GRM6: variants seen among roughly 807,000 people sequenced by gnomAD.
GRM6 encodes the protein glutamate metabotropic receptor 6.
In GRM6, 73 loss-of-function variants were observed where a neutral mutation model predicts 78.4. The observed-to-expected ratio is 0.93, with a 90% CI of 0.77 to 1.13. The LOEUF (loss-of-function observed/expected upper bound fraction) is 1.13, where lower values mean the gene tolerates loss of function less well. Among genes scored for constraint, GRM6 ranks in the 50% most tolerant of loss-of-function variants. The pLI is 0.00. For missense variants in GRM6, 1,251 were observed against 1,256.4 expected, an observed-to-expected ratio of 1.00 and a Z score of 0.07; for synonymous variants, 580 against 555.0, an observed-to-expected ratio of 1.05 and a Z score of -0.63.
Position 178,980,770 on chromosome 5 carries a change from A to T in GRM6, c.*887T>A, listed in dbSNP as rs989494735. On this transcript the variant is annotated 3_prime_UTR_variant, in exon 11 of 11. Transcript: ENST00000517717. The surrounding 1 kb of genome is among the most constrained non-coding windows in gnomAD (Gnocchi z 4.3). ...TGCCTCAGCCTCCCAAGTAACTGGG[A>T]TTACAGGCACCCACCATCACACCTG... 1.3e-5 allele frequency: 2 copies of T among 152,430 alleles called. No individual in the cohort carries two copies. Among genetic ancestry groups the T allele is most frequent in the African/African-American group, 4.8e-5 (2 of 41,444 alleles). 9.4% of individuals were successfully genotyped at this position (152,430 alleles called of 1,614,324 possible).
At chr5:178,983,356 G>A (rs911863561) in intron 9 of GRM6, 135 bp from the exon 10 acceptor site, 8 of 806,680 alleles carry the variant, frequency 9.9e-6, no homozygotes, top group Non-Finnish European at 1.7e-5. Context: ...TCTTCGTGGT[G>A]GCTCTCAGGA....
Position 178,991,075 on chromosome 5 carries a change from G to T in GRM6, c.858-329C>A, listed in dbSNP as rs540600182. Among the ~76,000 whole-genome samples, 4 of 152,238 alleles carry T rather than the reference G, an allele frequency of 2.6e-5. No individual in the cohort carries two copies. Among genetic ancestry groups the T allele is most frequent in the African/African-American group, 9.6e-5 (4 of 41,546 alleles). The stretch of plus-strand genomic sequence containing the variant: ...CCTAGGCTGGAGATGAACTCGGGCC[G>T]GTGGGTCTCGGGCTGGGGTCCGCAG... On this transcript the variant is annotated intron_variant, in intron 4 of 10. Transcript: ENST00000517717. The surrounding 1 kb of genome is among the most constrained non-coding windows in gnomAD (Gnocchi z 5.0).
intron 10 of GRM6, chr5:178,982,691 A>AC: frequency 2.9e-6 from 1 of 340,702 alleles, no homozygotes; most frequent in Middle Eastern, 6.9e-4. Context: ...AATGAAAATG[A>AC]TAAAAAAAAA....
intron 2 of GRM6, among the ~76,000 whole-genome samples, chr5:178,994,227 CGGGGCG>C (rs972884774): frequency 2.0e-5 from 3 of 152,218 alleles, no homozygotes; most frequent in African/African-American, 7.2e-5. Context: ...GGCGCCCTCG[CGGGGCG>C]GGGTAGACAT....
intron 4 of GRM6, 140 bp from the exon 5 acceptor site, chr5:178,990,886 G>A (rs1760657693): frequency 4.2e-6 from 3 of 709,040 alleles, no homozygotes; most frequent in Admixed American, 2.8e-5. Context: ...GGGGCCGGGG[G>A]CATTTAGGGC....
rs1347078043 is a variant in GRM6, at chr5:178,980,490, T to A, written c.*1167A>T. Reference sequence around the variant, plus strand: ...TTCACCCTCACCACGGCCATGACTCTCTGTCACTGCTCCCAACCTGGAGCT... The same window carrying A: ...TTCACCCTCACCACGGCCATGACTCACTGTCACTGCTCCCAACCTGGAGCT... On this transcript the variant is annotated 3_prime_UTR_variant, in exon 11 of 11. Transcript: ENST00000517717. The surrounding 1 kb of genome is among the most constrained non-coding windows in gnomAD (Gnocchi z 4.3). 3 of 154,452 alleles carry A rather than the reference T, an allele frequency of 1.9e-5. No homozygotes were observed. In the Admixed American group the frequency reaches 2.0e-4, roughly 10 times the overall value. 9.6% of individuals were successfully genotyped at this position (154,452 alleles called of 1,614,324 possible). A position where few individuals can be genotyped will look rare whatever the true frequency, so the allele number is the denominator to read the frequency against.
intron 9 of GRM6, chr5:178,985,422 C>T: frequency 2.8e-6 from 1 of 353,640 alleles, no homozygotes; most frequent in East Asian, 8.1e-5. Context: ...AAAAAAAACT[C>T]ACTGGGCGCA....
At position 178,981,955 on chromosome 5, in the gene GRM6, T is replaced by C. The variant is rs945619424; in HGVS notation, c.2437-101A>G. On this transcript the variant is annotated intron_variant, in intron 10 of 10. Coordinates refer to ENST00000517717, the MANE Select transcript of GRM6 (RefSeq NM_000843.4). This position sits in a 1 kb window ranked among gnomAD's most constrained non-coding sequence, Gnocchi z 5.1. ...TACTCTGGAGCTGAGTCTGTTTCAG[T>C]TGGGGAACTGGGAATGAGCACTTAG... The C allele has an allele frequency of 3.1e-5, 27 of 862,408 alleles. No individual in the cohort carries two copies. Among genetic ancestry groups the C allele is most frequent in the Admixed American group, 5.1e-5 (3 of 58,880 alleles). 53.4% of individuals were successfully genotyped at this position (862,408 alleles called of 1,614,324 possible).
In GRM6 at chr5:178,995,012, C is replaced by G. The variant is rs868030567; in HGVS notation, c.-16-52G>C. On this transcript the variant is annotated intron_variant, in intron 1 of 10. Coordinates refer to ENST00000517717, the MANE Select transcript of GRM6 (RefSeq NM_000843.4). ...CGCTCTGAGGGCGGGGGAAGGAGAG[C>G]GCGGGCTCGGGGCGCGGGGAGGGAC... 2,283 of 1,015,952 alleles carry G rather than the reference C, an allele frequency of 2.2e-3. 25 individuals carry two copies. In the South Asian group the frequency reaches 0.031, roughly 14 times the overall value. The allele number at this position is 1,015,952 out of a possible 1,614,324, so 62.9% of individuals were successfully genotyped here. A position where few individuals can be genotyped will look rare whatever the true frequency, so the allele number is the denominator to read the frequency against.
In GRM6 at chr5:178,989,537, A is replaced by G. The variant is rs2645336; in HGVS notation, c.1013-132T>C. ...CTAGGAGTGGCCAGGTGAACTAGGC[A>G]TGGCCAGGTGAGCTAGGAGTGGCCA... On this transcript the variant is annotated intron_variant, in intron 5 of 10. Coordinates refer to ENST00000517717, the MANE Select transcript of GRM6 (RefSeq NM_000843.4). 61 of 1,124,172 alleles carry G rather than the reference A, an allele frequency of 5.4e-5. No homozygotes were observed. The South Asian group carries it at 7.2e-4, about 13-fold the overall frequency. The allele number at this position is 1,124,172 out of a possible 1,614,324, so 69.6% of individuals were successfully genotyped here. A position where few individuals can be genotyped will look rare whatever the true frequency, so the allele number is the denominator to read the frequency against.
Position 178,982,979 on chromosome 5 carries a change from C to A in GRM6, c.2367G>T (p.Met789Ile). The change falls in exon 10 of 11, where the codon ATG becomes ATT. Residue 789 changes from methionine (M) to isoleucine (I), a missense_variant. By Grantham distance (10) the Met-to-Ile change is conservative. Transcript: ENST00000517717. ...FNEAKPIGFT[M>I]YTTCIIWLAF... ...CCAGCCAGATGATGCAGGTGGTGTA[C>A]ATGGTGAAGCCGATGGGCTTGGCCT... 6.2e-7 allele frequency: 1 copy of A among 1,614,180 alleles called. No individual in the cohort carries two copies. The highest frequency in any genetic ancestry group is 1.1e-5 in the South Asian group (1 of 91,078).
Position 178,988,956 on chromosome 5 carries a change from T to G in GRM6, c.1333A>C (p.Ile445Leu), listed in dbSNP as rs757832797. Residue 445 changes from isoleucine (I) to leucine (L), a missense_variant, in exon 7 of 11, where the codon ATT becomes CTT. Coordinates refer to ENST00000517717, the MANE Select transcript of GRM6 (RefSeq NM_000843.4). The surrounding 1 kb of genome is among the most constrained non-coding windows in gnomAD (Gnocchi z 6.0). Reference sequence around the variant, plus strand: ...TCACCATTGAAGCGGACAGCTCGAATGTACTGCAGAAGCATCCGCCCATCA... The same window carrying G: ...TCACCATTGAAGCGGACAGCTCGAAGGTACTGCAGAAGCATCCGCCCATCA... ...PTDGRMLLQY[I>L]RAVRFNGSAG... 8.4e-5 allele frequency: 136 copies of G among 1,613,420 alleles called. No homozygotes were observed. The highest frequency in any genetic ancestry group is 1.1e-4 in the Non-Finnish European group (131 of 1,179,910).
chr5:178,991,491 T>TCACCTTGCTGAACTCTCCTGGC lies in GRM6; in HGVS notation c.768_789dup (p.Ile264AlafsTer26). The TCACCTTGCTGAACTCTCCTGGC allele has an allele frequency of 1.2e-6, 2 of 1,613,662 alleles. No homozygotes were observed. The highest frequency in any genetic ancestry group is 1.7e-6 in the Non-Finnish European group (2 of 1,179,690). Reference sequence around the variant, plus strand: ...TTGGGCGTCTCCATGAGTCTCCTGATCACCTTGCTGAACTCTCCTGGCTTT... The same window carrying TCACCTTGCTGAACTCTCCTGGC: ...TTGGGCGTCTCCATGAGTCTCCTGATCACCTTGCTGAACTCTCCTGGCCACCTTGCTGAACTCTCCTGGCTTT... On this transcript the variant is annotated frameshift_variant, in exon 4 of 11. Coordinates refer to ENST00000517717, the MANE Select transcript of GRM6 (RefSeq NM_000843.4). LOFTEE classifies it high-confidence loss of function. The surrounding 1 kb of genome is among the most constrained non-coding windows in gnomAD (Gnocchi z 5.0).
chr5:178,986,971 G>T lies in GRM6; in HGVS notation c.1367C>A (p.Thr456Asn), dbSNP rs1284437903. ...RAVRFNGSAG[T>N]PVMFNENGDA... ...TCCGTTCTCGTTGAACATCACAGGG[G>T]TTCCTGCGCTGCCTGGAGAGAGAGT... The change falls in exon 8 of 11, where the codon ACC (threonine) becomes AAC (asparagine). Residue 456 changes from threonine (T) to asparagine (N), a missense_variant. Coordinates refer to ENST00000517717, the MANE Select transcript of GRM6 (RefSeq NM_000843.4). 3 of 1,613,812 alleles carry T rather than the reference G, an allele frequency of 1.9e-6. No homozygotes were observed. Among genetic ancestry groups the T allele is most frequent in the East Asian group, 2.2e-5 (1 of 44,826 alleles).
chr5:178,994,223 C>A (rs1259344953), intron 2 of GRM6, among the ~76,000 whole-genome samples: 1 of 152,240 alleles, frequency 6.6e-6, no homozygotes, highest in East Asian at 1.9e-4. Context: ...AAGGGGCGCC[C>A]TCGCGGGGCG....
chr5:178,986,297 G>A lies in GRM6; in HGVS notation c.1957C>T (p.Arg653Cys), dbSNP rs140491408. 2.2e-4 allele frequency: 350 copies of A among 1,613,986 alleles called. 3 individuals are homozygous for A. The highest frequency in any genetic ancestry group is 1.2e-3 in the South Asian group (105 of 91,074). Residue 653 changes from arginine (R) to cysteine (C), a missense_variant, in exon 9 of 11, where the codon CGC (arginine) becomes TGC (cysteine). By Grantham distance (180) the Arg-to-Cys change is radical (BLOSUM62 -3). Transcript: ENST00000517717. ...GTGCCCAGGCCCAGGAAGAGCCTGC[G>A]GGCGGCACAGACCGCGGCCCCAGGC... The part of the protein sequence containing the change: ...AEPGAAVCAA[R>C]RLFLGLGTTL...
chr5:178,987,492 G>C, intron 7 of GRM6: 2 of 455,526 alleles, frequency 4.4e-6, no homozygotes, highest in Non-Finnish European at 8.8e-6. Context: ...AAGGAAGGCA[G>C]TTCTGACCCA....
rs765218052 is a variant in GRM6 at position 178,988,969 on chromosome 5, C to T, written c.1320G>A (p.Met440Ile). ...CPAMEPTDGR[M>I]LLQYIRAVRF... is the part of the protein sequence containing the mutation. The stretch of plus-strand genomic sequence containing the variant: ...GGACAGCTCGAATGTACTGCAGAAG[C>T]ATCCGCCCATCAGTGGGTTCCATCG... The change falls in exon 7 of 11, where the codon ATG becomes ATA. Residue 440 changes from methionine to isoleucine, a missense_variant. Met to Ile is a conservative substitution (Grantham distance 10, BLOSUM62 1). Transcript: ENST00000517717. This position sits in a 1 kb window ranked among gnomAD's most constrained non-coding sequence, Gnocchi z 6.0. The T allele has an allele frequency of 1.9e-6, 3 of 1,613,874 alleles. No homozygotes were observed. Among genetic ancestry groups the T allele is most frequent in the Non-Finnish European group, 2.5e-6 (3 of 1,179,972 alleles).
Position 178,994,553 on chromosome 5 carries a change from G to C in GRM6, c.392C>G (p.Pro131Arg), listed in dbSNP as rs1313941306. The C allele has an allele frequency of 8.1e-6, 11 of 1,351,776 alleles. No individual in the cohort carries two copies. The East Asian group carries it at 3.4e-4, about 42-fold the overall frequency. The allele number at this position is 1,351,776 out of a possible 1,614,324, so 83.7% of individuals were successfully genotyped here. The change falls in exon 2 of 11, where the codon CCG becomes CGG. Residue 131 changes from proline (P) to arginine (R), a missense_variant. Physicochemically the swap from Pro to Arg is moderately radical, Grantham distance 103. Transcript: ENST00000517717. ...GDGDEVGVRC[P>R]GGVPPLRPAP... ...GGGGCGCAGCGGAGGGACGCCTCCC[G>C]GGCAGCGCACGCCCACCTCGTCGCC...
Sources: gnomAD v4.1 joint callset for allele counts (sites outside exome capture counted in the v4.1 genomes callset) on GRCh38, gnomAD v4.1.1 for gene constraint, Gnocchi (gnomAD v3.1) non-coding constraint, MANE v1.5 for transcripts, NCBI Gene and HGNC (gene_info 2026-07-23, HGNC 2026-07-21) for gene names.